Variants in LRP2 observed in about 807,000 individuals in gnomAD.
The protein encoded by LRP2 is low-density lipoprotein receptor-related protein 2.
Under a neutral mutation model 531.0 loss-of-function variants are expected in LRP2, and 172 were observed. The ratio of observed to expected loss-of-function variants is 0.32; its 90% CI spans 0.29 to 0.37. The LOEUF (loss-of-function observed/expected upper bound fraction) is 0.37, where lower values mean the gene tolerates loss of function less well. Among genes scored for constraint, LRP2 ranks in the 10% least tolerant of loss-of-function variants. LRP2 has a pLI of 1.00. For synonymous variants in LRP2, 1,992 were observed against 2,027.6 expected (o/e 0.98, Z 0.47); for missense variants, 5,167 against 5,868.3 (o/e 0.88, Z 3.90).
At chr2:169,232,209 TA>T (rs202073364) in intron 30 of LRP2, among the ~76,000 whole-genome samples, 5,005 of 147,600 alleles carry the variant, frequency 0.034, 184 homozygotes, top group African/African-American at 0.098. Flanking sequence ...CTTTTTGCAT[TA>T]AAAAAAAAAA....
chr2:169,213,939 A>T, intron 35 of LRP2, 69 bp from the exon 36 acceptor site: 1 of 988,692 alleles, frequency 1.0e-6, no homozygotes. Flanking sequence ...AAACACTAAT[A>T]TTCTCCTAAT....
chr2:169,343,047 GC>G (rs1685607774), intron 1 of LRP2, among the ~76,000 whole-genome samples: 2 of 152,196 alleles, frequency 1.3e-5, no homozygotes, highest in South Asian at 4.2e-4. Context: ...CCTTCTCCTT[GC>G]CCAGAGGACA....
intron 61 of LRP2, among the ~76,000 whole-genome samples, chr2:169,168,018 AATATATATATATAT>A (rs4001548): frequency 0.018 from 1,249 of 68,190 alleles, 149 homozygotes; most frequent in Middle Eastern, 0.024. Flanking sequence ...CAGGGTTTAA[AATATATATATATAT>A]ATATATATAT....
At chr2:169,220,336 A>T (rs1688944080) in intron 34 of LRP2, 118 bp downstream of exon 34, 1 of 761,650 alleles carries the variant, frequency 1.3e-6, no homozygotes. Flanking sequence ...ATTATTTTTC[A>T]AATGTTGACA....
chr2:169,212,271 T>G, intron 36 of LRP2, 64 bp from the exon 37 acceptor site: 1 of 1,605,988 alleles, frequency 6.2e-7, no homozygotes, highest in Non-Finnish European at 8.5e-7. Context: ...CATCTCAAAT[T>G]TCTTTAATTG....
At chr2:169,147,586 G>T (rs1685963671) in intron 68 of LRP2, among the ~76,000 whole-genome samples, 1 of 152,052 alleles carries the variant, frequency 6.6e-6, no homozygotes, top group Admixed American at 6.5e-5. Context: ...CAAAGTGTTG[G>T]GATTACAGGA....
At chr2:169,264,510 A>T (rs1191508133) in intron 16 of LRP2, among the ~76,000 whole-genome samples, 1 of 152,054 alleles carries the variant, frequency 6.6e-6, no homozygotes, top group Non-Finnish European at 1.5e-5. Flanking sequence ...CATTCAAAAT[A>T]GCAGATTGAC....
At position 169,209,373 on chromosome 2, in the gene LRP2, T is replaced by A. The variant is rs1360640115; in HGVS notation, c.6469+80A>T. 3 of 1,393,196 alleles carry A rather than the reference T, an allele frequency of 2.2e-6. No individual in the cohort carries two copies. In the African/African-American group the frequency reaches 4.3e-5, roughly 20 times the overall value. 86.3% of individuals were successfully genotyped at this position (1,393,196 alleles called of 1,614,324 possible). On this transcript the variant is annotated intron_variant, in intron 38 of 78. Transcript: ENST00000649046. The stretch of plus-strand genomic sequence containing the variant: ...TCTAGAAAAACAAACCTGTAGCACA[T>A]GGAGTTAGGCTAAACTTTCTAGCAT...
At chr2:169,274,965 T>G (rs1683513756) in intron 14 of LRP2, 71 bp downstream of exon 14, 3 of 1,479,792 alleles carry the variant, frequency 2.0e-6, no homozygotes, top group Non-Finnish European at 1.9e-6. Context: ...CATTATTAAC[T>G]TTCAAAGCTT....
At chr2:169,197,636 T>C (rs1233682675) in intron 45 of LRP2, among the ~76,000 whole-genome samples, 1 of 152,260 alleles carries the variant, frequency 6.6e-6, no homozygotes, top group Non-Finnish European at 1.5e-5. Context: ...GCACATCTAA[T>C]TAAAGTCTTG....
At chr2:169,260,796 G>C (rs1690514826) in intron 16 of LRP2, among the ~76,000 whole-genome samples, 1 of 151,528 alleles carries the variant, frequency 6.6e-6, no homozygotes, top group South Asian at 2.1e-4. Flanking sequence ...AGAGAGAGGA[G>C]GACCAATGTT....
intron 37 of LRP2, among the ~76,000 whole-genome samples, chr2:169,210,786 T>C (rs1362521610): frequency 6.6e-6 from 1 of 152,216 alleles, no homozygotes; most frequent in Non-Finnish European, 1.5e-5. Context: ...TATTTCATAA[T>C]GCCCTTTGAA....
intron 1 of LRP2, 147 bp downstream of exon 1, chr2:169,362,174 C>A: frequency 1.6e-6 from 1 of 633,518 alleles, no homozygotes; most frequent in Non-Finnish European, 2.6e-6. Flanking sequence ...CGCGAAGCAA[C>A]CTGAGCGCCC....
rs1317250752 is a variant in LRP2 at position 169,204,262 on chromosome 2, A to T, written c.7725T>A (p.Ile2575=). ...LYWVDASLQR[I]ERSTLTGVDR... ...CCACGCCCGTCAGAGTGCTGCGTTC[A>T]ATCCTCTGCCTAAAATGAAGCAAAA... The change falls in exon 42 of 79, where the codon ATT becomes ATA. Residue 2575 remains isoleucine (I), a synonymous_variant. Transcript: ENST00000649046. 1 of 1,612,876 alleles carries T rather than the reference A, an allele frequency of 6.2e-7. No homozygotes were observed. The highest frequency in any genetic ancestry group is 1.7e-5 in the Admixed American group (1 of 60,012).
chr2:169,257,077 C>A, intron 18 of LRP2, 47 bp downstream of exon 18: 1 of 1,609,016 alleles, frequency 6.2e-7, no homozygotes, highest in Non-Finnish European at 8.5e-7. Flanking sequence ...ATTATGTGTT[C>A]TGCAGTAAAA....
chr2:169,154,667 T>C, intron 65 of LRP2, 64 bp from the exon 66 acceptor site: 1 of 1,441,786 alleles, frequency 6.9e-7, no homozygotes, highest in Non-Finnish European at 9.8e-7. Context: ...AAGTAGGATA[T>C]AAAATGCACA....
chr2:169,338,456 G>A (rs1314874686), intron 1 of LRP2, among the ~76,000 whole-genome samples: 1 of 151,502 alleles, frequency 6.6e-6, no homozygotes, highest in East Asian at 1.9e-4. Context: ...AGGAAAGGAA[G>A]GAAGGAAGGA....
intron 4 of LRP2, among the ~76,000 whole-genome samples, chr2:169,300,103 C>A (rs928967582): frequency 6.6e-6 from 1 of 152,094 alleles, no homozygotes; most frequent in Non-Finnish European, 1.5e-5. Flanking sequence ...GCAATTCCCA[C>A]AGCATTTTAT....
At chr2:169,160,685 A>AAAAAAAAAAAAAAAAAAAAAAAAAAC (rs970862922) in intron 63 of LRP2, among the ~76,000 whole-genome samples, 16 of 94,270 alleles carry the variant, frequency 1.7e-4, no homozygotes, top group African/African-American at 3.6e-4. Context: ...ATTTCCTTAA[A>AAAAAAAAAAAAAAAAAAAAAAAAAAC]AAAAAAAAAA....
Sources: gnomAD v4.1 joint callset for allele counts (sites outside exome capture counted in the v4.1 genomes callset) on GRCh38, gnomAD v4.1.1 for gene constraint, MANE v1.5 for transcripts, NCBI Gene and HGNC (gene_info 2026-07-23, HGNC 2026-07-21) for gene names.